EIF3H: variants seen among roughly 807,000 people sequenced by gnomAD.
EIF3H encodes the protein eIF-3-gamma.
EIF3H carries 26 observed loss-of-function variants against 44.2 expected under a neutral mutation model. The observed-to-expected ratio is 0.59, with a 90% CI of 0.43 to 0.82. The LOEUF (loss-of-function observed/expected upper bound fraction) is 0.82. EIF3H is among the 40% of genes least tolerant of loss of function. EIF3H has a pLI of 0.00. For missense variants in EIF3H, 359 were observed against 432.8 expected (o/e 0.83, Z 1.51); for synonymous variants, 166 against 151.9 (o/e 1.09, Z -0.68).
intron 2 of EIF3H, among the ~76,000 whole-genome samples, chr8:116,663,350 T>C (rs1586438857): frequency 6.6e-6 from 1 of 152,166 alleles, no homozygotes; most frequent in African/African-American, 2.4e-5. Flanking sequence ...CTTTGCAGAG[T>C]TGGTCCAGGG....
chr8:116,750,495 C>T (rs376667438), intron 1 of EIF3H, among the ~76,000 whole-genome samples: 1 of 151,552 alleles, frequency 6.6e-6, no homozygotes, highest in Non-Finnish European at 1.5e-5. Context: ...CTGCAAGCTC[C>T]GCCTCCCCGG....
upstream of EIF3H, among the ~76,000 whole-genome samples, chr8:116,759,792 C>T (rs556463126): frequency 3.3e-5 from 5 of 152,156 alleles, no homozygotes; most frequent in Admixed American, 6.5e-5. Flanking sequence ...TGTAATGGCA[C>T]GATCTCAGCT....
chr8:116,715,430 A>G (rs1017064063), intron 2 of EIF3H, among the ~76,000 whole-genome samples: 2 of 152,092 alleles, frequency 1.3e-5, no homozygotes, highest in African/African-American at 4.8e-5. Context: ...ACACATGAAT[A>G]CTGTCTGAGT....
At chr8:116,726,236 T>A in intron 1 of EIF3H, 64 bp from the exon 2 acceptor site, 2 of 1,503,174 alleles carry the variant, frequency 1.3e-6, no homozygotes, top group Non-Finnish European at 1.8e-6. Context: ...CCTTTATTTC[T>A]AAGAAAAAAC....
upstream of EIF3H, among the ~76,000 whole-genome samples, chr8:116,756,355 A>G (rs1288525416): frequency 1.3e-5 from 2 of 152,248 alleles, no homozygotes; most frequent in Non-Finnish European, 2.9e-5. Flanking sequence ...TTTTGCTATT[A>G]GCTTCATGTA....
intron 1 of EIF3H, among the ~76,000 whole-genome samples, chr8:116,740,634 T>C (rs1815113168): frequency 6.6e-6 from 1 of 152,096 alleles, no homozygotes; most frequent in African/African-American, 2.4e-5. Context: ...TGTTGTCTAG[T>C]ACACAGTTAT....
intron 1 of EIF3H, among the ~76,000 whole-genome samples, chr8:116,751,912 G>C (rs908575630): frequency 3.9e-5 from 6 of 152,118 alleles, no homozygotes; most frequent in Non-Finnish European, 8.8e-5. Flanking sequence ...TTTCAGAGCT[G>C]GGATTCAAAT....
At chr8:116,701,736 A>G (rs138346789) in intron 2 of EIF3H, among the ~76,000 whole-genome samples, 138 of 152,336 alleles carry the variant, frequency 9.1e-4, no homozygotes, top group African/African-American at 3.1e-3. Flanking sequence ...ACAGCTGACA[A>G]GCACTCTTTA....
At position 116,663,803 on chromosome 8, in the gene EIF3H, C is replaced by T. The variant is rs775273867; in HGVS notation, c.290-4823G>A. 3.3e-5 allele frequency among the ~76,000 whole-genome samples: 5 copies of T among 151,868 alleles called. No individual in the cohort carries two copies. In the East Asian group the frequency reaches 7.7e-4, roughly 24 times the overall value. ...AAAATTAGCCAGGCGTGGTGGCAGG[C>T]GCCTGTAATCCTAGCTACTTGAGAG... On this transcript the variant is annotated intron_variant, in intron 2 of 7. Transcript: ENST00000521861.
chr8:116,744,571 T>C (rs1815200652), intron 1 of EIF3H, among the ~76,000 whole-genome samples: 1 of 152,218 alleles, frequency 6.6e-6, no homozygotes, highest in Non-Finnish European at 1.5e-5. Flanking sequence ...TAAATTACAC[T>C]ACACTTTGCT....
intron 1 of EIF3H, chr8:116,737,583 G>C (rs1311773727): frequency 1.1e-5 from 2 of 188,216 alleles, no homozygotes; most frequent in Non-Finnish European, 2.2e-5. Context: ...CTTGAACCTG[G>C]GAGGCGGAGG....
chr8:116,650,202 A>T (rs1813365301), intron 5 of EIF3H, among the ~76,000 whole-genome samples: 2 of 152,222 alleles, frequency 1.3e-5, no homozygotes, highest in African/African-American at 4.8e-5. Flanking sequence ...TGGAGAGGAG[A>T]AACCAGGAGG....
intron 1 of EIF3H, among the ~76,000 whole-genome samples, chr8:116,752,553 G>A (rs2130990674): frequency 1.3e-5 from 2 of 151,508 alleles, no homozygotes; most frequent in Admixed American, 1.3e-4. Flanking sequence ...CTTCCCCAAG[G>A]TCATGCTTAC....
chr8:116,758,889 G>A (rs765771296), upstream of EIF3H, among the ~76,000 whole-genome samples: 19 of 152,124 alleles, frequency 1.2e-4, no homozygotes, highest in Admixed American at 3.3e-4. Context: ...TGAGAAAGAA[G>A]TTTATAGCTA....
chr8:116,739,823 G>C (rs982275141), intron 1 of EIF3H, among the ~76,000 whole-genome samples: 8 of 152,072 alleles, frequency 5.3e-5, no homozygotes, highest in African/African-American at 1.9e-4. Context: ...GCTGGTCTCG[G>C]CAACTCTGGT....
In EIF3H at chr8:116,705,941, C is replaced by A. The variant is rs568067022; in HGVS notation, c.289+20075G>T. ...CGTTTCAGTAAAATCTAAAATTATTCCAAAACAAAAAGTTTATTTAAAAAA... is the reference window on the plus strand; with the variant it reads ...CGTTTCAGTAAAATCTAAAATTATTACAAAACAAAAAGTTTATTTAAAAAA... On this transcript the variant is annotated intron_variant, in intron 2 of 7. Coordinates refer to ENST00000521861, the MANE Select transcript of EIF3H (RefSeq NM_003756.3). 6.0e-5 allele frequency among the ~76,000 whole-genome samples: 9 copies of A among 151,224 alleles called. No homozygotes were observed. In the South Asian group the frequency reaches 1.9e-3, roughly 32 times the overall value.
chr8:116,648,752 G>C (rs1813344589), intron 6 of EIF3H, 54 bp downstream of exon 6: 1 of 1,523,918 alleles, frequency 6.6e-7, no homozygotes, highest in South Asian at 1.3e-5. Flanking sequence ...CATGACTCTT[G>C]AAATACATGA....
At chr8:116,688,894 C>T (rs564866433) in intron 2 of EIF3H, among the ~76,000 whole-genome samples, 8 of 152,240 alleles carry the variant, frequency 5.3e-5, no homozygotes, top group African/African-American at 9.6e-5. Flanking sequence ...AAAACAGCTT[C>T]GCACTTCCTA....
intron 2 of EIF3H, among the ~76,000 whole-genome samples, chr8:116,692,070 T>C (rs1273441580): frequency 1.3e-5 from 2 of 152,166 alleles, no homozygotes; most frequent in Non-Finnish European, 2.9e-5. Context: ...GTAGTACAGC[T>C]TTCTAGATTA....
Sources: allele counts gnomAD v4.1 joint callset (sites outside exome capture counted in the v4.1 genomes callset), GRCh38; gene constraint gnomAD v4.1.1; transcripts MANE v1.5; gene names NCBI Gene and HGNC (gene_info 2026-07-23, HGNC 2026-07-21).